Variants in RASA2 observed in about 807,000 individuals in gnomAD.
The protein encoded by RASA2 is ras GTPase-activating protein 2.
In RASA2, 155 loss-of-function variants were observed where a neutral mutation model predicts 118.2. The observed-to-expected ratio is 1.31, with a 90% confidence interval of 1.15 to 1.50. The LOEUF (loss-of-function observed/expected upper bound fraction) is 1.50. Among genes scored for constraint, RASA2 ranks in the 40% most tolerant of loss-of-function variants. The pLI is 0.00. For synonymous variants in RASA2, 353 were observed against 349.1 expected (o/e 1.01, Z -0.12); for missense variants, 1,016 against 1,009.6 (o/e 1.01, Z -0.09).
intron 1 of RASA2, among the ~76,000 whole-genome samples, chr3:141,493,523 C>T (rs2081663015): frequency 1.3e-5 from 2 of 152,122 alleles, no homozygotes. Flanking sequence ...TGTTGGGCAG[C>T]TAGGATAGTG....
At chr3:141,576,761 C>T (rs766825400) in intron 14 of RASA2, among the ~76,000 whole-genome samples, 4 of 152,106 alleles carry the variant, frequency 2.6e-5, no homozygotes, top group Non-Finnish European at 4.4e-5. Context: ...TAAAATATTT[C>T]TGAAAACCTA....
At chr3:141,491,559 T>C (rs1046554326) in intron 1 of RASA2, among the ~76,000 whole-genome samples, 1 of 152,186 alleles carries the variant, frequency 6.6e-6, no homozygotes, top group African/African-American at 2.4e-5. Context: ...ATCCTGTGGA[T>C]AATTACTAGA....
chr3:141,526,938 G>A (rs979661422), intron 3 of RASA2, among the ~76,000 whole-genome samples: 19 of 152,182 alleles, frequency 1.2e-4, no homozygotes, highest in African/African-American at 4.3e-4. Context: ...GTGACTAAGA[G>A]AGGATTCTCT....
chr3:141,611,278 T>A (rs908523207), intron 23 of RASA2, among the ~76,000 whole-genome samples: 2 of 152,166 alleles, frequency 1.3e-5, no homozygotes, highest in African/African-American at 4.8e-5. Flanking sequence ...TGTTCCCCCA[T>A]GGTCACAGAT....
chr3:141,540,425 G>T, intron 4 of RASA2, 108 bp from the exon 5 acceptor site: 1 of 782,482 alleles, frequency 1.3e-6, no homozygotes, highest in East Asian at 2.6e-5. Flanking sequence ...GCAAAGCCAT[G>T]TGCTAGTGGT....
intron 1 of RASA2, among the ~76,000 whole-genome samples, chr3:141,510,081 G>A (rs138081827): frequency 7.3e-4 from 111 of 152,048 alleles, no homozygotes; most frequent in Middle Eastern, 3.4e-3. Flanking sequence ...GTGCTTCTTA[G>A]GTTTCTAATA....
intron 1 of RASA2, among the ~76,000 whole-genome samples, chr3:141,494,107 G>A (rs536555886): frequency 6.6e-6 from 1 of 152,300 alleles, no homozygotes; most frequent in East Asian, 1.9e-4. Flanking sequence ...AACAGTCATT[G>A]CTATTACAGA....
rs539317294 is a variant in RASA2 at position 141,491,532 on chromosome 3, C to A, written c.133+4316C>A. 2.6e-5 allele frequency among the ~76,000 whole-genome samples: 4 copies of A among 152,208 alleles called. No individual in the cohort carries two copies. In the East Asian group the frequency reaches 7.7e-4, roughly 29 times the overall value. ...GAACAGAATAGGCCTTTAGAATATGCCCTACCTCACAATGTTATCCTGTGG... is the reference window on the plus strand; with the variant it reads ...GAACAGAATAGGCCTTTAGAATATGACCTACCTCACAATGTTATCCTGTGG... On this transcript the variant is annotated intron_variant, in intron 1 of 23. Transcript: ENST00000286364.
intron 3 of RASA2, among the ~76,000 whole-genome samples, chr3:141,529,432 C>G (rs944782224): frequency 6.6e-6 from 1 of 151,950 alleles, no homozygotes; most frequent in African/African-American, 2.4e-5. Context: ...TGAATAAGTA[C>G]TAAAAAAATG....
intron 19 of RASA2, among the ~76,000 whole-genome samples, chr3:141,599,069 CAG>C (rs1406197531): frequency 1.3e-5 from 2 of 152,026 alleles, no homozygotes; most frequent in Non-Finnish European, 2.9e-5. Flanking sequence ...GCCCCGGCGA[CAG>C]AGCGAGACTC....
At chr3:141,491,030 A>C (rs973588944) in intron 1 of RASA2, among the ~76,000 whole-genome samples, 2 of 152,248 alleles carry the variant, frequency 1.3e-5, no homozygotes, top group Non-Finnish European at 2.9e-5. Flanking sequence ...TCCAATGTAT[A>C]CTGGAGTTTC....
Position 141,571,547 on chromosome 3 carries a change from G to C in RASA2, c.1162G>C (p.Asp388His), listed in dbSNP as rs765707198. The C allele has an allele frequency of 1.2e-6, 2 of 1,608,414 alleles. No homozygotes were observed. Among genetic ancestry groups the C allele is most frequent in the Non-Finnish European group, 1.7e-6 (2 of 1,176,478 alleles). Residue 388 changes from aspartate to histidine, a missense_variant, in exon 11 of 24, where the codon GAT becomes CAT. Physicochemically the swap from Asp to His is moderately conservative, Grantham distance 81. Around this residue, in one of 2 missense-constraint regions of RASA2, gnomAD observed 896 missense variants for 836.4 expected, o/e 1.07. Transcript: ENST00000286364. Reference sequence around the variant, plus strand: ...TGCTGTGGCTGAATTAGACTTGAAGGATACACAGTAAGAGTTATATTTTAT... The same window carrying C: ...TGCTGTGGCTGAATTAGACTTGAAGCATACACAGTAAGAGTTATATTTTAT... ...ATAVAELDLK[D>H]TQDANTIFRG... is the part of the protein sequence containing the mutation.
chr3:141,575,880 G>A (rs978760681), intron 14 of RASA2, among the ~76,000 whole-genome samples: 1 of 151,940 alleles, frequency 6.6e-6, no homozygotes, highest in Non-Finnish European at 1.5e-5. Flanking sequence ...CTGCAACTCC[G>A]CCTCCCAGGT....
intron 9 of RASA2, among the ~76,000 whole-genome samples, chr3:141,564,649 C>T (rs77306436): frequency 0.022 from 3,351 of 152,226 alleles, 130 homozygotes; most frequent in African/African-American, 0.076. Flanking sequence ...CTCACCACAA[C>T]GCCTTTTGAT....
At chr3:141,545,429 G>T (rs1022378113) in intron 5 of RASA2, among the ~76,000 whole-genome samples, 1 of 151,036 alleles carries the variant, frequency 6.6e-6, no homozygotes, top group Non-Finnish European at 1.5e-5. Flanking sequence ...GCAGGAGCAG[G>T]AACAGGAGAG....
intron 5 of RASA2, among the ~76,000 whole-genome samples, chr3:141,545,396 A>G (rs532310166): frequency 4.6e-5 from 7 of 151,858 alleles, no homozygotes; most frequent in African/African-American, 1.7e-4. Context: ...ACAAACACCA[A>G]GCGGGAGCAG....
rs2107801815 is a variant in RASA2 at position 141,608,689 on chromosome 3, A to G, written c.2217A>G (p.Pro739=). 1 of 1,612,700 alleles carries G rather than the reference A, an allele frequency of 6.2e-7. No individual in the cohort carries two copies. The highest frequency in any genetic ancestry group is 8.5e-7 in the Non-Finnish European group (1 of 1,178,804). Residue 739 remains proline, a synonymous_variant, in exon 21 of 24, where the codon CCA becomes CCG. Coordinates refer to ENST00000286364, the MANE Select transcript of RASA2 (RefSeq NM_006506.5). The part of the protein sequence containing the change: ...ETGENTLGCK[P]CTAGVPADIQ... ...GTGAAAACACTCTCGGCTGCAAGCC[A>G]TGTACTGCGTAAGTTTCTTTCTGAT... is the stretch of plus-strand genomic sequence containing the variant.
intron 15 of RASA2, chr3:141,578,810 T>A (rs1447227574): frequency 6.6e-6 from 1 of 152,232 alleles, no homozygotes; most frequent in Admixed American, 6.5e-5. Flanking sequence ...CAGATGTTGG[T>A]GGATACTTAG....
intron 21 of RASA2, 98 bp from the exon 22 acceptor site, chr3:141,609,322 T>C: frequency 1.5e-6 from 1 of 655,856 alleles, no homozygotes; most frequent in Non-Finnish European, 2.3e-6. Flanking sequence ...TCTGCAAAAG[T>C]CTGTGGTTCT....
Sources: gnomAD v4.1 joint callset for allele counts (sites outside exome capture counted in the v4.1 genomes callset) on GRCh38, gnomAD v4.1.1 for gene constraint, gnomAD v4.1.1 regional missense constraint, MANE v1.5 for transcripts, NCBI Gene and HGNC (gene_info 2026-07-23, HGNC 2026-07-21) for gene names.